Variants in POLD3 observed in about 807,000 individuals in gnomAD.
POLD3 encodes DNA polymerase delta 3, accessory subunit, also known as DNA polymerase delta subunit 3.
In POLD3, 19 loss-of-function variants were observed where a neutral mutation model predicts 58.2. The ratio of observed to expected loss-of-function variants is 0.33; its 90% CI spans 0.23 to 0.48. The LOEUF is 0.48. Ranked by LOEUF, POLD3 falls within the 20% of genes least tolerant of loss-of-function variation. The pLI is 0.99. For missense variants in POLD3, 504 were observed against 545.5 expected, an observed-to-expected ratio of 0.92 and a Z score of 0.76; for synonymous variants, 172 against 193.5, an observed-to-expected ratio of 0.89 and a Z score of 0.92.
intron 9 of POLD3, among the ~76,000 whole-genome samples, chr11:74,634,197 C>T (rs1171347658): frequency 2.0e-5 from 3 of 152,114 alleles, no homozygotes; most frequent in Middle Eastern, 3.2e-3. Context: ...TTTAGGAACC[C>T]CTCTGAACCT....
At chr11:74,622,468 A>T (rs966016802) in intron 7 of POLD3, among the ~76,000 whole-genome samples, 1 of 152,200 alleles carries the variant, frequency 6.6e-6, no homozygotes, top group Non-Finnish European at 1.5e-5. Flanking sequence ...TGAGGGGGAA[A>T]ACCTGGATAA....
At position 74,603,205 on chromosome 11, in the gene POLD3, T is replaced by A. The variant is rs191462053; in HGVS notation, c.117-1487T>A. Among the ~76,000 whole-genome samples the A allele has an allele frequency of 9.5e-4, 145 of 152,304 alleles. 1 individual carries two copies. Among genetic ancestry groups the A allele is most frequent in the African/African-American group, 3.3e-3 (139 of 41,554 alleles). On this transcript the variant is annotated intron_variant, in intron 2 of 11. Coordinates refer to ENST00000263681, the MANE Select transcript of POLD3 (RefSeq NM_006591.3). ...GTTGATTGAATGACTTGATTTGCAT[T>A]TTTTAAACTTCACTCTGGCAGCATC... is the stretch of plus-strand genomic sequence containing the variant.
chr11:74,642,183 G>A lies in POLD3; in HGVS notation c.*1417G>A. On this transcript the variant is annotated 3_prime_UTR_variant, in exon 12 of 12. Transcript: ENST00000263681. ...TGTGCTGACTTTGGGATTAACATGAGCTTCTTTAGCAACCAAGCATGAACT... is the reference window on the plus strand; with the variant it reads ...TGTGCTGACTTTGGGATTAACATGAACTTCTTTAGCAACCAAGCATGAACT... 2 of 985,436 alleles carry A rather than the reference G, an allele frequency of 2.0e-6. No homozygotes were observed. The highest frequency in any genetic ancestry group is 2.4e-6 in the Non-Finnish European group (2 of 829,930). 61.0% of individuals were successfully genotyped at this position (985,436 alleles called of 1,614,324 possible). A position where few individuals can be genotyped will look rare whatever the true frequency, so the allele number is the denominator to read the frequency against.
chr11:74,617,867 C>T (rs748418324), intron 5 of POLD3, among the ~76,000 whole-genome samples: 87 of 152,064 alleles, frequency 5.7e-4, no homozygotes, highest in Non-Finnish European at 4.3e-4. Context: ...TATAGGCATG[C>T]GCCACTACAC....
intron 5 of POLD3, among the ~76,000 whole-genome samples, chr11:74,616,381 T>A (rs181907929): frequency 8.5e-5 from 13 of 152,324 alleles, no homozygotes; most frequent in African/African-American, 2.9e-4. Context: ...TGAAGAGAGT[T>A]GAAATTTTAG....
chr11:74,645,798 G>C (rs1259470075), downstream of POLD3, among the ~76,000 whole-genome samples: 2 of 152,070 alleles, frequency 1.3e-5, no homozygotes, highest in Admixed American at 1.3e-4. Flanking sequence ...GCGGCAAAGG[G>C]GTTAAGTAAC....
chr11:74,602,646 G>C (rs1415404838), intron 2 of POLD3, among the ~76,000 whole-genome samples: 1 of 152,168 alleles, frequency 6.6e-6, no homozygotes, highest in African/African-American at 2.4e-5. Flanking sequence ...CCCCTCTACA[G>C]TATATCATCC....
intron 2 of POLD3, among the ~76,000 whole-genome samples, chr11:74,599,246 G>T (rs1478673278): frequency 6.6e-6 from 1 of 152,212 alleles, no homozygotes; most frequent in African/African-American, 2.4e-5. Flanking sequence ...TGACCAGGCT[G>T]GTCTTGAACG....
At chr11:74,597,190 G>C (rs559448736) in intron 2 of POLD3, among the ~76,000 whole-genome samples, 1 of 152,174 alleles carries the variant, frequency 6.6e-6, no homozygotes, top group Non-Finnish European at 1.5e-5. Flanking sequence ...CATAATGGCT[G>C]TATTAATTTA....
intron 2 of POLD3, among the ~76,000 whole-genome samples, chr11:74,600,538 G>A (rs28895571): frequency 6.6e-6 from 1 of 151,840 alleles, no homozygotes; most frequent in Non-Finnish European, 1.5e-5. Flanking sequence ...GGGAGGCTGA[G>A]GCAGGAAAAT....
At chr11:74,657,212 CT>C (rs1039185217) in intron 4 of POLD3, among the ~76,000 whole-genome samples, 162 of 146,188 alleles carry the variant, frequency 1.1e-3, no homozygotes, top group South Asian at 2.2e-3. Flanking sequence ...ATTATTGTGT[CT>C]TTTTTTTTTA....
intron 5 of POLD3, among the ~76,000 whole-genome samples, chr11:74,613,925 T>G (rs544610079): frequency 1.3e-5 from 2 of 152,294 alleles, no homozygotes; most frequent in African/African-American, 2.4e-5. Flanking sequence ...AAGACTGTTA[T>G]GACTTATGAC....
At chr11:74,629,071 C>T in intron 8 of POLD3, 146 bp from the exon 9 acceptor site, 1 of 555,448 alleles carries the variant, frequency 1.8e-6, no homozygotes. Context: ...GTATCCTTAA[C>T]AAGAGTCCTT....
downstream of POLD3, among the ~76,000 whole-genome samples, chr11:74,646,980 C>T (rs185535813): frequency 1.5e-4 from 23 of 152,310 alleles, no homozygotes; most frequent in African/African-American, 5.5e-4. Context: ...GAGATGGTTT[C>T]GGGGTGAAAC....
At chr11:74,624,512 C>G (rs983911157) in intron 7 of POLD3, among the ~76,000 whole-genome samples, 2 of 152,170 alleles carry the variant, frequency 1.3e-5, no homozygotes, top group African/African-American at 4.8e-5. Flanking sequence ...ATGGTTTAAG[C>G]TATTATACAA....
At chr11:74,628,437 A>G (rs1232571406) in intron 8 of POLD3, among the ~76,000 whole-genome samples, 1 of 152,138 alleles carries the variant, frequency 6.6e-6, no homozygotes, top group African/African-American at 2.4e-5. Context: ...ATTTAAAGTT[A>G]TATAGGACAT....
intron 4 of POLD3, 90 bp downstream of exon 4, chr11:74,611,628 A>G: frequency 5.7e-6 from 4 of 703,812 alleles, no homozygotes; most frequent in South Asian, 3.3e-5. Context: ...TGCGTATAAT[A>G]TATTTAGCTA....
chr11:74,646,264 C>T (rs1378754834), downstream of POLD3, among the ~76,000 whole-genome samples: 6 of 152,266 alleles, frequency 3.9e-5, no homozygotes, highest in South Asian at 2.1e-4. Context: ...TGAGCCACCG[C>T]GCCCGGCCTG....
At chr11:74,648,218 T>C (rs1281993559) in intron 4 of POLD3, among the ~76,000 whole-genome samples, 3 of 152,152 alleles carry the variant, frequency 2.0e-5, no homozygotes, top group Non-Finnish European at 4.4e-5. Context: ...TAAGTCTGAG[T>C]CTTTTTGGCT....
Sources: gnomAD v4.1 joint callset for allele counts (sites outside exome capture counted in the v4.1 genomes callset) on GRCh38, gnomAD v4.1.1 for gene constraint, MANE v1.5 for transcripts, NCBI Gene and HGNC (gene_info 2026-07-23, HGNC 2026-07-21) for gene names.